The following LRRC49 variants were observed in gnomAD, a reference collection of about 807,000 sequenced individuals.
LRRC49 encodes leucine rich repeat containing 49.
Under a neutral mutation model 83.3 loss-of-function variants are expected in LRRC49, and 50 were observed. That is an observed-to-expected ratio of 0.60 (90% confidence interval 0.48 to 0.76). The LOEUF is 0.76. Among genes scored for constraint, LRRC49 ranks in the 30% least tolerant of loss-of-function variants. The pLI is 0.00. For synonymous variants in LRRC49, 286 were observed against 283.3 expected (o/e 1.01, Z -0.10); for missense variants, 704 against 809.1 (o/e 0.87, Z 1.58).
intron 1 of LRRC49, among the ~76,000 whole-genome samples, chr15:70,869,209 CAT>C (rs1211546061): frequency 6.6e-6 from 1 of 152,134 alleles, no homozygotes; most frequent in Non-Finnish European, 1.5e-5. Context: ...CTATATAATA[CAT>C]ATATACTTCT....
intron 9 of LRRC49, among the ~76,000 whole-genome samples, chr15:70,974,524 G>C (rs1354964268): frequency 1.3e-5 from 2 of 151,972 alleles, no homozygotes; most frequent in Non-Finnish European, 2.9e-5. Context: ...TTGTTATTCT[G>C]GTAAAGTATG....
chr15:70,953,243 A>C (rs936038938), intron 8 of LRRC49, among the ~76,000 whole-genome samples: 39 of 152,316 alleles, frequency 2.6e-4, no homozygotes, highest in African/African-American at 8.9e-4. Flanking sequence ...TATGTGCTTA[A>C]GTATGTCTTT....
intron 7 of LRRC49, among the ~76,000 whole-genome samples, chr15:70,920,799 A>G (rs577883088): frequency 3.9e-5 from 6 of 152,308 alleles, no homozygotes; most frequent in Middle Eastern, 3.4e-3. Context: ...ATTACAGTCA[A>G]TTGTGAAATT....
At chr15:70,932,272 G>A (rs2035435266) in intron 7 of LRRC49, among the ~76,000 whole-genome samples, 1 of 152,154 alleles carries the variant, frequency 6.6e-6, no homozygotes, top group Non-Finnish European at 1.5e-5. Context: ...GTTTTAATAT[G>A]ATGGCTTGCA....
intron 7 of LRRC49, among the ~76,000 whole-genome samples, chr15:70,933,354 T>G (rs12899477): frequency 2.6e-4 from 40 of 152,298 alleles, no homozygotes; most frequent in Admixed American, 2.2e-3. Context: ...TTATTTCATT[T>G]TTTTCCCTCT....
chr15:70,875,216 T>C (rs1373470317), intron 2 of LRRC49, among the ~76,000 whole-genome samples: 1 of 152,232 alleles, frequency 6.6e-6, no homozygotes, highest in African/African-American at 2.4e-5. Flanking sequence ...TCTTTGGTGC[T>C]TTAGCTCAGC....
At chr15:70,991,855 A>G (rs1173665779) in intron 11 of LRRC49, among the ~76,000 whole-genome samples, 1 of 152,200 alleles carries the variant, frequency 6.6e-6, no homozygotes, top group Admixed American at 6.5e-5. Context: ...TATGCAAAAA[A>G]TATATAGTAA....
At chr15:70,975,807 A>G (rs1378888772) in intron 9 of LRRC49, among the ~76,000 whole-genome samples, 1 of 151,978 alleles carries the variant, frequency 6.6e-6, no homozygotes, top group South Asian at 2.1e-4. Flanking sequence ...AAAAAAAAAA[A>G]GGAGCTCATC....
intron 12 of LRRC49, among the ~76,000 whole-genome samples, chr15:71,009,016 G>C (rs2141261862): frequency 6.6e-6 from 1 of 151,756 alleles, no homozygotes; most frequent in African/African-American, 2.4e-5. Context: ...AATTTTAATA[G>C]CTCATTAAAA....
At chr15:71,017,359 T>C (rs1184905028) in intron 14 of LRRC49, among the ~76,000 whole-genome samples, 1 of 152,190 alleles carries the variant, frequency 6.6e-6, no homozygotes, top group Admixed American at 6.6e-5. Flanking sequence ...TACTATACTT[T>C]CTCATACTTC....
intron 7 of LRRC49, among the ~76,000 whole-genome samples, chr15:70,920,710 G>A (rs534859055): frequency 4.6e-5 from 7 of 152,252 alleles, no homozygotes; most frequent in African/African-American, 1.7e-4. Context: ...AGTTTAGGCA[G>A]CAGTAAACAA....
chr15:70,871,165 A>G (rs1038067514), intron 1 of LRRC49, among the ~76,000 whole-genome samples: 4 of 151,590 alleles, frequency 2.6e-5, no homozygotes, highest in African/African-American at 9.7e-5. Flanking sequence ...CTTAACGAGT[A>G]TGCTGCCTTC....
At chr15:70,970,728 C>T (rs534046732) in intron 9 of LRRC49, among the ~76,000 whole-genome samples, 1 of 152,122 alleles carries the variant, frequency 6.6e-6, no homozygotes, top group Non-Finnish European at 1.5e-5. Context: ...TATATGTGTC[C>T]AGGAATTTAT....
intron 2 of LRRC49, chr15:70,881,752 G>T (rs1435364605): frequency 6.6e-6 from 1 of 152,218 alleles, no homozygotes; most frequent in Non-Finnish European, 1.5e-5. Flanking sequence ...TGATGTTAAT[G>T]ATTCTAATCT....
intron 7 of LRRC49, 98 bp downstream of exon 7, chr15:70,919,291 G>A (rs902975479): frequency 2.8e-6 from 3 of 1,054,466 alleles, no homozygotes; most frequent in Admixed American, 2.7e-5. Flanking sequence ...AAGAATCTAC[G>A]GTTATTTAGG....
intron 15 of LRRC49, among the ~76,000 whole-genome samples, chr15:71,040,046 A>C (rs915863265): frequency 2.6e-5 from 4 of 152,352 alleles, no homozygotes; most frequent in East Asian, 3.9e-4. Context: ...AATACAGCAG[A>C]ACATTAAATG....
chr15:70,981,942 C>A (rs1055954658), intron 10 of LRRC49, among the ~76,000 whole-genome samples: 2 of 144,518 alleles, frequency 1.4e-5, no homozygotes, highest in African/African-American at 5.2e-5. Flanking sequence ...CCTTATGTGT[C>A]CTCCTGGCCA....
Position 71,023,628 on chromosome 15 carries a change from A to T in LRRC49, c.1703+10715A>T, listed in dbSNP as rs532367922. Among the ~76,000 whole-genome samples, 3 of 152,322 alleles carry T rather than the reference A, an allele frequency of 2.0e-5. No homozygotes were observed. The South Asian group carries it at 6.2e-4, about 32-fold the overall frequency. On this transcript the variant is annotated intron_variant, in intron 14 of 15. Coordinates refer to ENST00000260382, the MANE Select transcript of LRRC49 (RefSeq NM_017691.5). ...CAGGGCAAGGGGAGCTCCCACCCCC[A>T]GCCAAGGGAGGCATTGAGTGATTGT...
At chr15:70,980,715 A>G (rs2037369438) in intron 10 of LRRC49, among the ~76,000 whole-genome samples, 1 of 152,114 alleles carries the variant, frequency 6.6e-6, no homozygotes, top group Admixed American at 6.6e-5. Flanking sequence ...TAAATAAAAT[A>G]TTCTCTTTTA....
Sources: allele counts gnomAD v4.1 joint callset (sites outside exome capture counted in the v4.1 genomes callset), GRCh38; gene constraint gnomAD v4.1.1; transcripts MANE v1.5; gene names NCBI Gene and HGNC (gene_info 2026-07-23, HGNC 2026-07-21).